Variants in SLC19A1 observed in about 807,000 individuals in gnomAD.
SLC19A1 encodes the protein solute carrier family 19 member 1.
Under a neutral mutation model 35.3 loss-of-function variants are expected in SLC19A1, and 37 were observed. The ratio of observed to expected loss-of-function variants is 1.05; its 90% CI spans 0.81 to 1.38. SLC19A1 has a LOEUF of 1.38. Among genes scored for constraint, SLC19A1 ranks in the 40% most tolerant of loss-of-function variants. The pLI is 0.00. For synonymous variants in SLC19A1, 460 were observed against 398.5 expected, an observed-to-expected ratio of 1.15 and a Z score of -1.84; for missense variants, 831 against 826.9, an observed-to-expected ratio of 1.00 and a Z score of -0.06.
Position 45,504,605 on chromosome 21 carries a change from G to A in SLC19A1, c.498-5993C>T, listed in dbSNP as rs775345811. ...GAGCCCATGTCCCAGGGGTCTGGGT[G>A]CAGGAGCCGAGGGCAGGTCCAGCCC... is the stretch of plus-strand genomic sequence containing the variant. On this transcript the variant is annotated intron_variant, in intron 3 of 4. Coordinates refer to the SLC19A1 transcript ENST00000417954. The A allele has an allele frequency of 2.6e-6, 4 of 1,526,552 alleles. No homozygotes were observed. The East Asian group carries it at 9.8e-5, about 37-fold the overall frequency. 94.6% of individuals were successfully genotyped at this position (1,526,552 alleles called of 1,614,324 possible).
chr21:45,546,540 C>T (rs1400322596), upstream of SLC19A1, among the ~76,000 whole-genome samples: 1 of 152,234 alleles, frequency 6.6e-6, no homozygotes, highest in Non-Finnish European at 1.5e-5. Flanking sequence ...AATCCCGATG[C>T]CCCCAAGTCT....
rs1265483849 is a variant in SLC19A1 at position 45,534,569 on chromosome 21, C to T, written c.190-2421G>A. Reference sequence around the variant, plus strand: ...ATGAATGGAGCATGCCTCATTTCCTCTTCCACCAGGAGCTGGCTCTGCAGG... The same window carrying T: ...ATGAATGGAGCATGCCTCATTTCCTTTTCCACCAGGAGCTGGCTCTGCAGG... On this transcript the variant is annotated intron_variant, in intron 2 of 5. Coordinates refer to ENST00000311124, the MANE Select transcript of SLC19A1 (RefSeq NM_194255.4). The surrounding 1 kb of genome is among the most constrained non-coding windows in gnomAD (Gnocchi z 4.2). The T allele has an allele frequency of 6.5e-7, 1 of 1,535,624 alleles. No homozygotes were observed. The highest frequency in any genetic ancestry group is 2.0e-5 in the Admixed American group (1 of 50,986).
At chr21:45,560,851 CCTCTGAGCTGGCCT>C (rs1275851030) in intron 1 of SLC19A1, among the ~76,000 whole-genome samples, 1 of 152,206 alleles carries the variant, frequency 6.6e-6, no homozygotes, top group African/African-American at 2.4e-5. Flanking sequence ...TCGGCGCTGT[CCTCTGAGCTGGCCT>C]CTCTGATGCT....
At chr21:45,522,957 G>A (rs915645555) in intron 5 of SLC19A1, among the ~76,000 whole-genome samples, 2 of 152,166 alleles carry the variant, frequency 1.3e-5, no homozygotes, top group African/African-American at 2.4e-5. Context: ...ACTGTAAGAC[G>A]TGACCACTGT....
intron 2 of SLC19A1, among the ~76,000 whole-genome samples, chr21:45,537,480 C>CG (rs558659951): frequency 6.5e-4 from 97 of 150,222 alleles, no homozygotes; most frequent in African/African-American, 2.3e-3. Context: ...CACCCACAGG[C>CG]GGCCGCCCAG....
intron 3 of SLC19A1, among the ~76,000 whole-genome samples, chr21:45,505,644 C>T (rs1018686900): frequency 3.9e-5 from 6 of 152,190 alleles, no homozygotes; most frequent in African/African-American, 1.4e-4. Flanking sequence ...AGGGCCTGTA[C>T]ATTGTCCACG....
chr21:45,536,907 A>T (rs970837328), intron 2 of SLC19A1, among the ~76,000 whole-genome samples: 4 of 151,818 alleles, frequency 2.6e-5, no homozygotes, highest in African/African-American at 9.7e-5. Flanking sequence ...ATGGACAAGG[A>T]CCCCACAGCT....
Position 45,517,827 on chromosome 21 carries a change from C to G in SLC19A1, c.1294-1687G>C, listed in dbSNP as rs2038046482. Among the ~76,000 whole-genome samples, 1 of 152,156 alleles carries G rather than the reference C, an allele frequency of 6.6e-6. No homozygotes were observed. ...GAAGGAGCCCCCACCCAGCCACCCA[C>G]CCTCCCTCAGGTGTCACAAAGGCTG... On this transcript the variant is annotated intron_variant, in intron 5 of 5. Transcript: ENST00000311124. This position sits in a 1 kb window ranked among gnomAD's most constrained non-coding sequence, Gnocchi z 4.4.
chr21:45,534,406 C>T lies in SLC19A1; in HGVS notation c.190-2258G>A. 1 of 732,228 alleles carries T rather than the reference C, an allele frequency of 1.4e-6. No individual in the cohort carries two copies. 45.4% of individuals were successfully genotyped at this position (732,228 alleles called of 1,614,324 possible). A position where few individuals can be genotyped will look rare whatever the true frequency, so the allele number is the denominator to read the frequency against. ...AGGCTGCGTGGGGGCATGACAGCCC[C>T]AGCCCCTGGCCGGGGCACAGGTTCT... On this transcript the variant is annotated intron_variant, in intron 2 of 5. Coordinates refer to ENST00000311124, the MANE Select transcript of SLC19A1 (RefSeq NM_194255.4). The surrounding 1 kb of genome is among the most constrained non-coding windows in gnomAD (Gnocchi z 4.2).
chr21:45,559,783 CAG>C (rs1383410067), intron 1 of SLC19A1, among the ~76,000 whole-genome samples: 3 of 152,200 alleles, frequency 2.0e-5, no homozygotes, highest in African/African-American at 4.8e-5. Flanking sequence ...TTCCCTCACA[CAG>C]GGTATTTTTA....
chr21:45,511,825 C>G (rs983382193), downstream of SLC19A1, among the ~76,000 whole-genome samples: 2 of 152,198 alleles, frequency 1.3e-5, no homozygotes, highest in South Asian at 4.1e-4. Flanking sequence ...GGCTGGGCCC[C>G]AGGGAAGGCC....
intron 5 of SLC19A1, among the ~76,000 whole-genome samples, chr21:45,518,118 C>T (rs1440557843): frequency 1.3e-5 from 2 of 151,964 alleles, no homozygotes; most frequent in Non-Finnish European, 2.9e-5. Context: ...CTTCAGTGAA[C>T]AATAACAAAC....
chr21:45,536,873 G>A (rs924147893), intron 2 of SLC19A1, among the ~76,000 whole-genome samples: 2 of 152,104 alleles, frequency 1.3e-5, no homozygotes, highest in Non-Finnish European at 2.9e-5. Flanking sequence ...GCTTTTCCAG[G>A]CTCTTCCTGT....
At chr21:45,511,525 A>T (rs1187148845), downstream of SLC19A1, among the ~76,000 whole-genome samples, 2 of 152,218 alleles carry the variant, frequency 1.3e-5, no homozygotes, top group East Asian at 3.9e-4. Flanking sequence ...GTGGTCAGCC[A>T]TGTAAGCAGC....
rs2037743226 is a variant in SLC19A1, at chr21:45,513,743, C to T, written c.*1915G>A. The T allele has an allele frequency of 6.6e-6, 1 of 152,256 alleles. No individual in the cohort carries two copies. Among genetic ancestry groups the T allele is most frequent in the African/African-American group, 2.4e-5 (1 of 41,454 alleles). 9.4% of individuals were successfully genotyped at this position (152,256 alleles called of 1,614,324 possible). A position where few individuals can be genotyped will look rare whatever the true frequency, so the allele number is the denominator to read the frequency against. On this transcript the variant is annotated 3_prime_UTR_variant, in exon 6 of 6. Transcript: ENST00000311124. ...TGACTCTTGGTTTGCAAGCAGCCTT[C>T]ACTGTCACAGGAAGGACACAATTCT...
At chr21:45,503,829 C>T (rs1411212715) in intron 3 of SLC19A1, 4 of 428,468 alleles carry the variant, frequency 9.3e-6, no homozygotes, top group African/African-American at 6.2e-5. Flanking sequence ...AATAAAAAGG[C>T]ACCATTAACA....
At chr21:45,505,328 C>T (rs763058687) in intron 3 of SLC19A1, 58 of 1,595,452 alleles carry the variant, frequency 3.6e-5, no homozygotes, top group Non-Finnish European at 4.7e-5. Flanking sequence ...CGTGTGGCTT[C>T]GTGTTCCCAC....
intron 3 of SLC19A1, among the ~76,000 whole-genome samples, chr21:45,503,647 GA>G (rs1413476079): frequency 7.7e-5 from 8 of 103,484 alleles, no homozygotes; most frequent in African/African-American, 3.0e-4. Flanking sequence ...GGGGTGGGGG[GA>G]GGGGGGAGGG....
At chr21:45,556,955 C>T (rs145193141) in intron 1 of SLC19A1, among the ~76,000 whole-genome samples, 1 of 152,126 alleles carries the variant, frequency 6.6e-6, no homozygotes. Flanking sequence ...CCTGGGACGG[C>T]GACTCAGATG....
Sources: gnomAD v4.1 joint callset for allele counts (sites outside exome capture counted in the v4.1 genomes callset) on GRCh38, gnomAD v4.1.1 for gene constraint, Gnocchi (gnomAD v3.1) non-coding constraint, MANE v1.5 for transcripts, NCBI Gene and HGNC (gene_info 2026-07-23, HGNC 2026-07-21) for gene names.